EIF4E1B: variants seen among roughly 807,000 people sequenced by gnomAD.
EIF4E1B encodes eukaryotic translation initiation factor 4E type 1B.
In EIF4E1B, 22 loss-of-function variants were observed where a neutral mutation model predicts 31.3. The observed-to-expected ratio is 0.70, with a 90% confidence interval of 0.50 to 1.00. The LOEUF (loss-of-function observed/expected upper bound fraction) is 1.00. Ranked by LOEUF, EIF4E1B falls within the 50% of genes least tolerant of loss-of-function variation. The probability of loss-of-function intolerance (pLI) is 0.00; values close to 1 mark genes in which losing one functional copy is unlikely to be tolerated. For missense variants in EIF4E1B, 290 were observed against 311.6 expected, an observed-to-expected ratio of 0.93 and a Z score of 0.52; for synonymous variants, 126 against 120.2, an observed-to-expected ratio of 1.05 and a Z score of -0.31.
At chr5:176,643,799 G>T in intron 5 of EIF4E1B, 65 bp downstream of exon 5, 1 of 1,523,998 alleles carries the variant, frequency 6.6e-7, no homozygotes, top group Admixed American at 1.9e-5. Context: ...CCTCTCTCCG[G>T]GTTGAGCCAG....
chr5:176,644,118 G>A (rs865804158), intron 5 of EIF4E1B: 90 of 573,216 alleles, frequency 1.6e-4, no homozygotes, highest in African/African-American at 1.3e-3. Flanking sequence ...AGAAGGCCTC[G>A]GCTGTAGCTG....
In EIF4E1B at chr5:176,643,282, C is replaced by T. The variant is rs779175353; in HGVS notation, c.200+16C>T. The stretch of plus-strand genomic sequence containing the variant: ...TGCAGAACAGGTAGGCAGGAGCCTG[C>T]GAGTGGAACACAGCCCCTTGCTTTC... On this transcript the variant is annotated intron_variant, in intron 4 of 8. Coordinates refer to ENST00000318682, the MANE Select transcript of EIF4E1B (RefSeq NM_001099408.2). 15 of 1,608,276 alleles carry T rather than the reference C, an allele frequency of 9.3e-6. No individual in the cohort carries two copies. Among genetic ancestry groups the T allele is most frequent in the Middle Eastern group, 4.4e-4 (2 of 4,498 alleles).
At chr5:176,644,321 G>A in intron 5 of EIF4E1B, 55 bp from the exon 6 acceptor site, 1 of 1,541,706 alleles carries the variant, frequency 6.5e-7, no homozygotes, top group Non-Finnish European at 8.8e-7. Context: ...AACCCAGTTG[G>A]AACCAGGCCC....
chr5:176,639,158 G>A (rs879866398), intron 1 of EIF4E1B, among the ~76,000 whole-genome samples: 1 of 152,144 alleles, frequency 6.6e-6, no homozygotes, highest in Non-Finnish European at 1.5e-5. Context: ...ATCCCCCCGA[G>A]GAACCTGGAG....
rs910629499 is a variant in EIF4E1B, at chr5:176,638,050, G to A, written c.-201-3993G>A. On this transcript the variant is annotated intron_variant, in intron 1 of 8. Transcript: ENST00000318682. The surrounding 1 kb of genome is among the most constrained non-coding windows in gnomAD (Gnocchi z 4.3). ...GCCCCAGGACCATTCCAGCGTTTTC[G>A]GCTGAGCAGTTGGAAGGGTGGAGAA... Among the ~76,000 whole-genome samples the A allele has an allele frequency of 2.6e-5, 4 of 152,164 alleles. No individual in the cohort carries two copies. The highest frequency in any genetic ancestry group is 1.9e-4 in the East Asian group (1 of 5,204).
At chr5:176,634,594 A>G (rs1489330882) in intron 1 of EIF4E1B, among the ~76,000 whole-genome samples, 1 of 151,794 alleles carries the variant, frequency 6.6e-6, no homozygotes, top group East Asian at 1.9e-4. Context: ...ATGTAACTAT[A>G]ACTTTATATA....
At chr5:176,634,662 T>TC (rs952666249) in intron 1 of EIF4E1B, among the ~76,000 whole-genome samples, 1 of 148,142 alleles carries the variant, frequency 6.8e-6, no homozygotes, top group African/African-American at 2.5e-5. Flanking sequence ...TCCTGAAGTT[T>TC]TTTTTTTTTT....
rs995845205 is a variant in EIF4E1B at position 176,645,917 on chromosome 5, C to T, written c.666C>T (p.Tyr222=). 1 of 1,610,108 alleles carries T rather than the reference C, an allele frequency of 6.2e-7. No individual in the cohort carries two copies. Among genetic ancestry groups the T allele is most frequent in the African/African-American group, 1.3e-5 (1 of 74,882 alleles). Residue 222 remains tyrosine, a synonymous_variant, in exon 9 of 9, where the codon TAC becomes TAT. Coordinates refer to ENST00000318682, the MANE Select transcript of EIF4E1B (RefSeq NM_001099408.2). This position sits in a 1 kb window ranked among gnomAD's most constrained non-coding sequence, Gnocchi z 5.4. The part of the protein sequence containing the change: ...LGLSPKTIIG[Y]QAHADTATKS... ...TCTCCCCAAAGACCATCATTGGGTACCAGGCCCATGCAGACACAGCCACCA... is the reference window on the plus strand; with the variant it reads ...TCTCCCCAAAGACCATCATTGGGTATCAGGCCCATGCAGACACAGCCACCA...
At chr5:176,642,824 C>T (rs769851561) in intron 3 of EIF4E1B, 22 bp downstream of exon 3, 6 of 1,542,392 alleles carry the variant, frequency 3.9e-6, no homozygotes, top group East Asian at 5.0e-5. Flanking sequence ...GGCCTCTCTA[C>T]CCCCAGTGCA....
chr5:176,639,397 G>A (rs1254491741), intron 1 of EIF4E1B, among the ~76,000 whole-genome samples: 1 of 152,198 alleles, frequency 6.6e-6, no homozygotes, highest in African/African-American at 2.4e-5. Context: ...GCCTCAGCGA[G>A]GGGCCAGGAT....
At chr5:176,640,570 C>T (rs1215808946) in intron 1 of EIF4E1B, among the ~76,000 whole-genome samples, 4 of 152,126 alleles carry the variant, frequency 2.6e-5, no homozygotes, top group East Asian at 3.9e-4. Context: ...TCTTCTCTGC[C>T]GCCCCCTCTG....
Position 176,646,233 on chromosome 5 carries a change from T to C in EIF4E1B, c.*253T>C. ...GCAGGGTGGAAAAAACTCCTGAGGG[T>C]GGGGTGAGTCATGGCGGGGAAGGAG... On this transcript the variant is annotated 3_prime_UTR_variant, in exon 9 of 9. Transcript: ENST00000318682. The C allele has an allele frequency of 2.3e-6, 1 of 433,932 alleles. No individual in the cohort carries two copies. 26.9% of individuals were successfully genotyped at this position (433,932 alleles called of 1,614,324 possible).
At position 176,640,348 on chromosome 5, in the gene EIF4E1B, G is replaced by C. The variant is rs974439601; in HGVS notation, c.-201-1695G>C. Among the ~76,000 whole-genome samples, 8 of 152,240 alleles carry C rather than the reference G, an allele frequency of 5.3e-5. No homozygotes were observed. In the East Asian group the frequency reaches 1.3e-3, roughly 26 times the overall value. ...CCCTAGCTGACCTCCCTTTGAAGGAGAGCTGGGCTGTCCTACTGAGCACTA... is the reference window on the plus strand; with the variant it reads ...CCCTAGCTGACCTCCCTTTGAAGGACAGCTGGGCTGTCCTACTGAGCACTA... On this transcript the variant is annotated intron_variant, in intron 1 of 8. Coordinates refer to ENST00000318682, the MANE Select transcript of EIF4E1B (RefSeq NM_001099408.2).
At chr5:176,635,274 AG>A (rs1225371880) in intron 1 of EIF4E1B, among the ~76,000 whole-genome samples, 1 of 152,038 alleles carries the variant, frequency 6.6e-6, no homozygotes, top group Non-Finnish European at 1.5e-5. Flanking sequence ...TAAATGCTAG[AG>A]GGAGGCCGAA....
chr5:176,632,955 CG>C (rs1760430358), intron 1 of EIF4E1B, among the ~76,000 whole-genome samples: 1 of 143,712 alleles, frequency 7.0e-6, no homozygotes. Flanking sequence ...AAGCAGAGGG[CG>C]GGGTGGGGGA....
At chr5:176,632,100 G>A (rs1287376458) in intron 1 of EIF4E1B, among the ~76,000 whole-genome samples, 3 of 152,028 alleles carry the variant, frequency 2.0e-5, no homozygotes, top group African/African-American at 7.3e-5. Flanking sequence ...TTGATACAAA[G>A]GGAATTATAT....
chr5:176,642,012 G>A (rs1760587531), intron 1 of EIF4E1B, 31 bp from the exon 2 acceptor site: 1 of 152,616 alleles, frequency 6.6e-6, no homozygotes, highest in Non-Finnish European at 1.5e-5. Context: ...AAGCTTCTGA[G>A]TTGTGTATGA....
intron 3 of EIF4E1B, 71 bp from the exon 4 acceptor site, chr5:176,643,011 T>C: frequency 6.5e-7 from 1 of 1,536,560 alleles, no homozygotes; most frequent in Admixed American, 2.0e-5. Flanking sequence ...GAGCAGGGGA[T>C]GGGCAGGGTG....
intron 1 of EIF4E1B, among the ~76,000 whole-genome samples, chr5:176,637,320 T>C (rs1214279714): frequency 6.6e-6 from 1 of 152,186 alleles, no homozygotes; most frequent in African/African-American, 2.4e-5. Flanking sequence ...GCTCCTGTAA[T>C]TCCAGCTACT....
Sources: gnomAD v4.1 joint callset for allele counts (sites outside exome capture counted in the v4.1 genomes callset) on GRCh38, gnomAD v4.1.1 for gene constraint, Gnocchi (gnomAD v3.1) non-coding constraint, MANE v1.5 for transcripts, NCBI Gene and HGNC (gene_info 2026-07-23, HGNC 2026-07-21) for gene names.